Variants in RPS6KA1 observed in about 807,000 individuals in gnomAD.
RPS6KA1 encodes ribosomal protein S6 kinase alpha-1.
RPS6KA1 carries 48 observed loss-of-function variants against 91.3 expected under a neutral mutation model. That is an observed-to-expected ratio of 0.53 (90% CI 0.42 to 0.67). The LOEUF (loss-of-function observed/expected upper bound fraction) is 0.67, where lower values mean the gene tolerates loss of function less well. Among genes scored for constraint, RPS6KA1 ranks in the 30% least tolerant of loss-of-function variants. RPS6KA1 has a pLI of 0.00. For missense variants in RPS6KA1, 719 were observed against 960.5 expected, an observed-to-expected ratio of 0.75 and a Z score of 3.32; for synonymous variants, 359 against 384.7, an observed-to-expected ratio of 0.93 and a Z score of 0.78.
Position 26,529,800 on chromosome 1 carries a change from C to A in RPS6KA1, c.-121C>A. ...GCGGCGGCGGCGGCGGACGGCCCAG[C>A]CGGAGCGCGAGGGGCTCGGGGGGGC... On this transcript the variant is annotated 5_prime_UTR_variant, in exon 1 of 22. Transcript: ENST00000374168. This position sits in a 1 kb window ranked among gnomAD's most constrained non-coding sequence, Gnocchi z 4.2. 1 of 681,262 alleles carries A rather than the reference C, an allele frequency of 1.5e-6. No homozygotes were observed. Among genetic ancestry groups the A allele is most frequent in the Non-Finnish European group, 2.0e-6 (1 of 508,570 alleles). The allele number at this position is 681,262 out of a possible 1,614,324, so 42.2% of individuals were successfully genotyped here. A position where few individuals can be genotyped will look rare whatever the true frequency, so the allele number is the denominator to read the frequency against.
chr1:26,550,180 A>ATTTTT (rs749615792), intron 4 of RPS6KA1, among the ~76,000 whole-genome samples: 1 of 106,262 alleles, frequency 9.4e-6, no homozygotes, highest in African/African-American at 3.7e-5. Flanking sequence ...CGCCTGGCCA[A>ATTTTT]TTTTTTTTTT....
Position 26,562,805 on chromosome 1 carries a change from C to T in RPS6KA1, c.1590+1142C>T, listed in dbSNP as rs1000639672. On this transcript the variant is annotated intron_variant, in intron 17 of 21. Coordinates refer to ENST00000374168, the MANE Select transcript of RPS6KA1 (RefSeq NM_002953.4). ...TTTCACATAGTACCCAGTCCATAGACACATTTTTCTCCTATTGTCCTTTTT... is the reference window on the plus strand; with the variant it reads ...TTTCACATAGTACCCAGTCCATAGATACATTTTTCTCCTATTGTCCTTTTT... Among the ~76,000 whole-genome samples the T allele has an allele frequency of 4.1e-4, 59 of 143,158 alleles. 1 individual carries two copies. The highest frequency in any genetic ancestry group is 2.1e-3 in the Admixed American group (30 of 14,404). 93.9% of individuals were successfully genotyped at this position (143,158 alleles called of 152,430 possible).
At chr1:26,573,859 A>C (rs2076272082) in intron 21 of RPS6KA1, among the ~76,000 whole-genome samples, 1 of 151,164 alleles carries the variant, frequency 6.6e-6, no homozygotes, top group Non-Finnish European at 1.5e-5. Context: ...AATCGCTTGA[A>C]CCCTGGGGGC....
In RPS6KA1 at chr1:26,554,726, T is replaced by G; in HGVS notation, c.744T>G (p.Tyr248Ter). ...CCCATAGTGCGGACTGGTGGTCCTA[T>G]GGGGTGTTGATGGTGAGTGCCCAGA... Reference protein sequence around the residue: ...GHSHSADWWSYGVLMFEMLTG... With the variant: ...GHSHSADWWS Residue 248 changes from tyrosine (Y) to a stop codon, truncating the protein, a stop_gained, in exon 9 of 22, where the codon TAT becomes TAG. Coordinates refer to ENST00000374168, the MANE Select transcript of RPS6KA1 (RefSeq NM_002953.4). LOFTEE classifies it high-confidence loss of function. The surrounding 1 kb of genome is among the most constrained non-coding windows in gnomAD (Gnocchi z 4.6). 1 of 1,604,532 alleles carries G rather than the reference T, an allele frequency of 6.2e-7. No homozygotes were observed.
intron 1 of RPS6KA1, among the ~76,000 whole-genome samples, chr1:26,536,275 C>T (rs1336965141): frequency 6.6e-6 from 1 of 152,018 alleles, no homozygotes; most frequent in Non-Finnish European, 1.5e-5. Flanking sequence ...TCTCTGCCCT[C>T]GTGGGACTCC....
At chr1:26,563,480 G>A (rs1207101000) in intron 17 of RPS6KA1, among the ~76,000 whole-genome samples, 1 of 152,110 alleles carries the variant, frequency 6.6e-6, no homozygotes, top group Non-Finnish European at 1.5e-5. Flanking sequence ...GCCCACCTTG[G>A]CCTCCCAAAG....
rs558320057 is a variant in RPS6KA1, at chr1:26,536,258, G to T, written c.64-667G>T. ...GGAAGAGAGCAGCTGTTAGCCCCAA[G>T]CCCTCGTCTCTGCCCTCGTGGGACT... On this transcript the variant is annotated intron_variant, in intron 1 of 21. Coordinates refer to ENST00000374168, the MANE Select transcript of RPS6KA1 (RefSeq NM_002953.4). Among the ~76,000 whole-genome samples, 5 of 151,468 alleles carry T rather than the reference G, an allele frequency of 3.3e-5. No homozygotes were observed. In the East Asian group the frequency reaches 9.8e-4, roughly 30 times the overall value.
chr1:26,532,390 A>C (rs1250857213), intron 1 of RPS6KA1, among the ~76,000 whole-genome samples: 1 of 152,162 alleles, frequency 6.6e-6, no homozygotes, highest in Non-Finnish European at 1.5e-5. Flanking sequence ...ACTCAGGCTT[A>C]TGTGTTAATA....
In RPS6KA1 at chr1:26,571,798, C is replaced by A. The variant is rs772146780; in HGVS notation, c.1753-51C>A. 4 of 1,560,820 alleles carry A rather than the reference C, an allele frequency of 2.6e-6. No individual in the cohort carries two copies. Among genetic ancestry groups the A allele is most frequent in the Admixed American group, 3.5e-5 (2 of 57,574 alleles). On this transcript the variant is annotated intron_variant, in intron 18 of 21. Coordinates refer to ENST00000374168, the MANE Select transcript of RPS6KA1 (RefSeq NM_002953.4). The surrounding 1 kb of genome is among the most constrained non-coding windows in gnomAD (Gnocchi z 5.1). ...GGGGAGTAGCAGGAAACATCTGTGG[C>A]GACTTTCTACTGCCCCCCCAGACTG...
At chr1:26,552,832 T>C in intron 6 of RPS6KA1, 1 of 426,396 alleles carries the variant, frequency 2.3e-6, no homozygotes, top group Non-Finnish European at 4.7e-6. Flanking sequence ...TATACATGAT[T>C]CAAAAGAAAA....
rs569922599 is a variant in RPS6KA1, at chr1:26,558,800, C to T, written c.1085-7C>T. On this transcript the variant is annotated splice_region_variant and splice_polypyrimidine_tract_variant and intron_variant, in intron 13 of 21. Transcript: ENST00000374168. The surrounding 1 kb of genome is among the most constrained non-coding windows in gnomAD (Gnocchi z 4.0). ...GGTACCCTCACATTCTCCTTCCATC[C>T]GTACAGATTCCCCAGGCATCCCCCC... 65 of 1,604,688 alleles carry T rather than the reference C, an allele frequency of 4.1e-5. 1 individual carries two copies. In the South Asian group the frequency reaches 6.0e-4, roughly 15 times the overall value.
chr1:26,554,865 AC>A lies in RPS6KA1; in HGVS notation c.756+130del. Reference sequence around the variant, plus strand: ...CTCCTCTCACAGCCAAGCTGGCCTCACCCTATATGCACCTGCAGTTTTCTTC... The same window carrying A: ...CTCCTCTCACAGCCAAGCTGGCCTCACCTATATGCACCTGCAGTTTTCTTC... On this transcript the variant is annotated intron_variant, in intron 9 of 21. Transcript: ENST00000374168. The surrounding 1 kb of genome is among the most constrained non-coding windows in gnomAD (Gnocchi z 4.6). 7.9e-7 allele frequency: 1 copy of A among 1,272,938 alleles called. No individual in the cohort carries two copies. Among genetic ancestry groups the A allele is most frequent in the Non-Finnish European group, 1.1e-6 (1 of 918,130 alleles). The allele number at this position is 1,272,938 out of a possible 1,614,324, so 78.9% of individuals were successfully genotyped here.
chr1:26,531,644 C>T (rs892695787), intron 1 of RPS6KA1, among the ~76,000 whole-genome samples: 4 of 152,176 alleles, frequency 2.6e-5, no homozygotes, highest in Non-Finnish European at 5.9e-5. Context: ...GGAAGACCAG[C>T]GGACTTCCTG....
At position 26,557,212 on chromosome 1, in the gene RPS6KA1, C is replaced by T. The variant is rs772049240; in HGVS notation, c.1084+112C>T. On this transcript the variant is annotated intron_variant, in intron 13 of 21. Coordinates refer to ENST00000374168, the MANE Select transcript of RPS6KA1 (RefSeq NM_002953.4). Reference sequence around the variant, plus strand: ...AGGGACACTGACAGGCCGAGGTATGCGGGTGGGCAGGCGGGTGAGTTTCTG... The same window carrying T: ...AGGGACACTGACAGGCCGAGGTATGTGGGTGGGCAGGCGGGTGAGTTTCTG... 50 of 786,932 alleles carry T rather than the reference C, an allele frequency of 6.4e-5. No homozygotes were observed. The Middle Eastern group carries it at 1.4e-3, about 23-fold the overall frequency. 48.7% of individuals were successfully genotyped at this position (786,932 alleles called of 1,614,324 possible). A position where few individuals can be genotyped will look rare whatever the true frequency, so the allele number is the denominator to read the frequency against.
At chr1:26,543,668 G>A (rs1017519511) in intron 2 of RPS6KA1, among the ~76,000 whole-genome samples, 1 of 152,170 alleles carries the variant, frequency 6.6e-6, no homozygotes, top group Non-Finnish European at 1.5e-5. Context: ...TTAGGCAGAT[G>A]TGGGTGGGCA....
chr1:26,546,765 AG>A (rs780154142), intron 2 of RPS6KA1, 101 bp from the exon 3 acceptor site: 18 of 814,904 alleles, frequency 2.2e-5, no homozygotes, highest in Non-Finnish European at 3.5e-5. Context: ...TTGGGCCTTT[AG>A]GTTCCATCTG....
chr1:26,556,161 G>T, intron 11 of RPS6KA1: 1 of 204,038 alleles, frequency 4.9e-6, no homozygotes, highest in East Asian at 1.2e-4. Flanking sequence ...ATGCCGGCAT[G>T]TAGTAGGTGT....
chr1:26,536,152 TAAAAAAAAAAA>T (rs35238041), intron 1 of RPS6KA1, among the ~76,000 whole-genome samples: 1 of 74,418 alleles, frequency 1.3e-5, no homozygotes, highest in Non-Finnish European at 2.6e-5. Context: ...AAACTCTGTC[TAAAAAAAAAAA>T]AAAAAAAAAA....
Position 26,554,310 on chromosome 1 carries a change from AG to A in RPS6KA1, c.613+61del. The A allele has an allele frequency of 2.0e-6, 3 of 1,512,552 alleles. No homozygotes were observed. The highest frequency in any genetic ancestry group is 2.7e-6 in the Non-Finnish European group (3 of 1,114,890). 93.7% of individuals were successfully genotyped at this position (1,512,552 alleles called of 1,614,324 possible). On this transcript the variant is annotated intron_variant, in intron 8 of 21. Coordinates refer to ENST00000374168, the MANE Select transcript of RPS6KA1 (RefSeq NM_002953.4). This position sits in a 1 kb window ranked among gnomAD's most constrained non-coding sequence, Gnocchi z 4.6. ...GGGGAGGACAGGACAAGGTCATGAT[AG>A]GTCTCGGCTGAGTGCTGGGGGCTCA...
Sources: allele counts gnomAD v4.1 joint callset (sites outside exome capture counted in the v4.1 genomes callset), GRCh38; gene constraint gnomAD v4.1.1; non-coding constraint Gnocchi (gnomAD v3.1); transcripts MANE v1.5; gene names NCBI Gene and HGNC (gene_info 2026-07-23, HGNC 2026-07-21).